FMN1: variants seen among roughly 807,000 people sequenced by gnomAD.
FMN1 encodes the protein formin-1.
In FMN1, 110 loss-of-function variants were observed where a neutral mutation model predicts 132.4. That is an observed-to-expected ratio of 0.83 (90% confidence interval 0.71 to 0.97). The LOEUF is 0.97. Ranked by LOEUF, FMN1 falls within the 50% of genes least tolerant of loss-of-function variation. The probability of loss-of-function intolerance (pLI) is 0.00; values close to 1 mark genes in which losing one functional copy is unlikely to be tolerated. For missense variants in FMN1, 1,792 were observed against 1,705.3 expected (o/e 1.05, Z -0.90); for synonymous variants, 722 against 651.7 (o/e 1.11, Z -1.64).
intron 4 of FMN1, among the ~76,000 whole-genome samples, chr15:33,108,907 T>C (rs535377824): frequency 6.6e-6 from 1 of 152,238 alleles, no homozygotes; most frequent in East Asian, 1.9e-4. Flanking sequence ...CCTACAATAT[T>C]GATTACCACT....
chr15:32,780,456 A>T (rs1185811150), intron 19 of FMN1, among the ~76,000 whole-genome samples: 1 of 152,226 alleles, frequency 6.6e-6, no homozygotes, highest in African/African-American at 2.4e-5. Flanking sequence ...GTATGGTCTT[A>T]AAAAAGGGAG....
intron 7 of FMN1, among the ~76,000 whole-genome samples, chr15:33,001,057 TGGATCA>T (rs1333172268): frequency 6.6e-6 from 1 of 152,080 alleles, no homozygotes; most frequent in African/African-American, 2.4e-5. Flanking sequence ...CCGAGACGGG[TGGATCA>T]CTTGTGGTCA....
intron 6 of FMN1, among the ~76,000 whole-genome samples, chr15:33,020,571 CAGG>C (rs2035363054): frequency 6.6e-6 from 1 of 151,302 alleles, no homozygotes; most frequent in African/African-American, 2.4e-5. Flanking sequence ...TGCTTGAACC[CAGG>C]AGGTGGAGAG....
intron 5 of FMN1, among the ~76,000 whole-genome samples, chr15:33,079,208 T>C (rs1156722088): frequency 2.0e-5 from 3 of 152,110 alleles, no homozygotes; most frequent in South Asian, 2.1e-4. Flanking sequence ...CTCATCAGAA[T>C]AGGAGACGAA....
intron 6 of FMN1, among the ~76,000 whole-genome samples, chr15:33,019,539 C>T (rs1025417218): frequency 2.6e-5 from 4 of 152,172 alleles, no homozygotes; most frequent in South Asian, 2.1e-4. Context: ...GGGGGCGGCG[C>T]TTGTCGGGGA....
intron 19 of FMN1, among the ~76,000 whole-genome samples, chr15:32,794,156 T>C (rs775698475): frequency 9.3e-6 from 1 of 107,180 alleles, no homozygotes; most frequent in Non-Finnish European, 1.9e-5. Context: ...ACCCTATTGG[T>C]AGGTGGCTGG....
chr15:33,015,031 C>T lies in FMN1; in HGVS notation c.2162-6956G>A, dbSNP rs185988412. ...GTAGACCCTATCATATCGAGACTTACTTTACAGATGAGAAAACGCCTCAGG... is the reference window on the plus strand; with the variant it reads ...GTAGACCCTATCATATCGAGACTTATTTTACAGATGAGAAAACGCCTCAGG... On this transcript the variant is annotated intron_variant, in intron 6 of 20. Coordinates refer to ENST00000616417, the MANE Select transcript of FMN1 (RefSeq NM_001277313.2). Among the ~76,000 whole-genome samples the T allele has an allele frequency of 2.1e-3, 320 of 152,346 alleles. 4 individuals are homozygous for T. The highest frequency in any genetic ancestry group is 7.4e-3 in the African/African-American group (306 of 41,586).
At chr15:32,928,825 T>C (rs1457958530) in intron 9 of FMN1, among the ~76,000 whole-genome samples, 2 of 152,312 alleles carry the variant, frequency 1.3e-5, no homozygotes, top group Non-Finnish European at 2.9e-5. Context: ...CTCTGAAAAC[T>C]ACCAGTAATA....
In FMN1 at chr15:32,766,377, T is replaced by C. The variant is rs1479799018; in HGVS notation, c.*7933A>G. 6.6e-6 allele frequency: 1 copy of C among 152,102 alleles called. No individual in the cohort carries two copies. Among genetic ancestry groups the C allele is most frequent in the African/African-American group, 2.4e-5 (1 of 41,430 alleles). 9.4% of individuals were successfully genotyped at this position (152,102 alleles called of 1,614,324 possible). ...TTTGCCTGCACAGAATTAAGTCAAT[T>C]TGTCCAGCACCACAGAAAGTTACTT... On this transcript the variant is annotated 3_prime_UTR_variant, in exon 21 of 21. Transcript: ENST00000616417.
At chr15:32,993,274 A>G (rs1339455166) in intron 7 of FMN1, among the ~76,000 whole-genome samples, 1 of 151,376 alleles carries the variant, frequency 6.6e-6, no homozygotes, top group Non-Finnish European at 1.5e-5. Flanking sequence ...CAGCAATTTA[A>G]TGCAGTTCAA....
At chr15:33,147,886 T>C (rs1398631453) in intron 4 of FMN1, among the ~76,000 whole-genome samples, 1 of 152,174 alleles carries the variant, frequency 6.6e-6, no homozygotes, top group African/African-American at 2.4e-5. Context: ...GCAGGCACAA[T>C]GGGATCTCAA....
intron 3 of FMN1, among the ~76,000 whole-genome samples, chr15:33,179,449 A>C (rs1965622999): frequency 6.6e-6 from 1 of 152,204 alleles, no homozygotes; most frequent in Non-Finnish European, 1.5e-5. Context: ...TTATGACTCA[A>C]TCTGGGGGTA....
intron 6 of FMN1, among the ~76,000 whole-genome samples, chr15:33,019,249 G>C (rs1483160745): frequency 2.0e-5 from 3 of 152,192 alleles, no homozygotes; most frequent in East Asian, 1.9e-4. Context: ...AGATTAGCTA[G>C]ATACAGAGTG....
intron 7 of FMN1, among the ~76,000 whole-genome samples, chr15:32,971,322 C>T (rs1339175929): frequency 6.6e-6 from 1 of 152,176 alleles, no homozygotes; most frequent in East Asian, 1.9e-4. Flanking sequence ...TCAGACAATG[C>T]TACCTTTGTA....
chr15:33,004,881 C>T (rs2034327207), intron 7 of FMN1, among the ~76,000 whole-genome samples: 1 of 152,108 alleles, frequency 6.6e-6, no homozygotes, highest in African/African-American at 2.4e-5. Flanking sequence ...AGTTCATGTC[C>T]TTTGTAGGGA....
intron 17 of FMN1, among the ~76,000 whole-genome samples, chr15:32,845,406 T>C (rs1002328524): frequency 6.6e-6 from 1 of 152,210 alleles, no homozygotes; most frequent in African/African-American, 2.4e-5. Context: ...AAAGGAATCT[T>C]TGAGGTTAAG....
intron 10 of FMN1, among the ~76,000 whole-genome samples, chr15:32,911,317 C>T (rs987280556): frequency 6.6e-6 from 1 of 151,492 alleles, no homozygotes; most frequent in Non-Finnish European, 1.5e-5. Flanking sequence ...AATAATTATT[C>T]AAAACTAATA....
At position 33,048,788 on chromosome 15, in the gene FMN1, T is replaced by A. The variant is rs537710412; in HGVS notation, c.2161+16169A>T. Reference sequence around the variant, plus strand: ...GTTTGTGCAGGGAAACTTCCACTTATAAAACCATCAGATTTCATGAGACTT... The same window carrying A: ...GTTTGTGCAGGGAAACTTCCACTTAAAAAACCATCAGATTTCATGAGACTT... On this transcript the variant is annotated intron_variant, in intron 6 of 20. Coordinates refer to ENST00000616417, the MANE Select transcript of FMN1 (RefSeq NM_001277313.2). Among the ~76,000 whole-genome samples, 4 of 152,146 alleles carry A rather than the reference T, an allele frequency of 2.6e-5. No homozygotes were observed. The South Asian group carries it at 6.2e-4, about 24-fold the overall frequency.
In FMN1 at chr15:33,074,381, C is replaced by A. The variant is rs138304196; in HGVS notation, c.2044-9307G>T. 1.8e-4 allele frequency among the ~76,000 whole-genome samples: 28 copies of A among 152,350 alleles called. No individual in the cohort carries two copies. In the East Asian group the frequency reaches 4.4e-3, roughly 24 times the overall value. On this transcript the variant is annotated intron_variant, in intron 5 of 20. Transcript: ENST00000616417. ...ATGCTGTGGCGTTCCTCTGCCAATG[C>A]AACGCTTACAACAGCCTCTCTGGGT...
Sources: allele counts gnomAD v4.1 joint callset (sites outside exome capture counted in the v4.1 genomes callset), GRCh38; gene constraint gnomAD v4.1.1; transcripts MANE v1.5; gene names NCBI Gene and HGNC (gene_info 2026-07-23, HGNC 2026-07-21).